The following BRD10 variants were observed in gnomAD, a reference collection of about 807,000 sequenced individuals.
The protein encoded by BRD10 is uncharacterized bromodomain-containing protein 10.
At chr9:5,954,148 A>G in the BRD10 span, 1 of 939,498 alleles carries the variant, frequency 1.1e-6, no homozygotes, top group South Asian at 1.5e-5. Flanking sequence ...GCACTTCATT[A>G]ACAAAAAACA....
At chr9:5,893,589 C>G in the BRD10 span, among the ~76,000 whole-genome samples, 2 of 152,130 alleles carry the variant, frequency 1.3e-5, no homozygotes, top group Non-Finnish European at 2.9e-5. Context: ...GTCCTGACAG[C>G]AAAAACATAC....
the BRD10 span, among the ~76,000 whole-genome samples, chr9:5,952,038 T>C: frequency 8.4e-6 from 1 of 118,824 alleles, no homozygotes; most frequent in Admixed American, 9.2e-5. Context: ...TTTATTTATT[T>C]AGAGACAGAG....
At chr9:5,945,004 A>C in the BRD10 span, 1 of 929,308 alleles carries the variant, frequency 1.1e-6, no homozygotes, top group African/African-American at 1.7e-5. Flanking sequence ...ACATAATATA[A>C]AACACCCAAA....
At chr9:5,883,312 C>T in the BRD10 span, among the ~76,000 whole-genome samples, 2 of 152,128 alleles carry the variant, frequency 1.3e-5, no homozygotes, top group South Asian at 4.1e-4. Flanking sequence ...TAGTTTGATG[C>T]AAGATTCTCC....
At chr9:5,967,709 A>C in the BRD10 span, among the ~76,000 whole-genome samples, 42 of 151,466 alleles carry the variant, frequency 2.8e-4, no homozygotes, top group African/African-American at 1.0e-3. Flanking sequence ...AAAAAAAAAA[A>C]AACACACATT....
At chr9:5,926,595 G>A in the BRD10 span, among the ~76,000 whole-genome samples, 2 of 151,850 alleles carry the variant, frequency 1.3e-5, no homozygotes, top group East Asian at 1.9e-4. Context: ...GCAGTGGCGC[G>A]ATCACAGCTC....
At chr9:5,906,338 AAAAAG>A in the BRD10 span, among the ~76,000 whole-genome samples, 11 of 150,030 alleles carry the variant, frequency 7.3e-5, no homozygotes, top group Admixed American at 1.3e-4. Flanking sequence ...TCAAAAAAAA[AAAAAG>A]AAAAGAAAAG....
the BRD10 span, among the ~76,000 whole-genome samples, chr9:5,934,919 A>G: frequency 6.6e-6 from 1 of 152,212 alleles, no homozygotes. Context: ...TCTAAGTACT[A>G]TTACATGAAA....
chr9:5,905,042 C>T, the BRD10 span, among the ~76,000 whole-genome samples: 1,539 of 151,904 alleles, frequency 0.01, 24 homozygotes, highest in African/African-American at 0.035. Flanking sequence ...CAAAGTGCTG[C>T]GATTACAGGT....
chr9:5,976,792 C>T, the BRD10 span, among the ~76,000 whole-genome samples: 1 of 150,150 alleles, frequency 6.7e-6, no homozygotes, highest in Non-Finnish European at 1.5e-5. Flanking sequence ...AAAAAAAAAT[C>T]TGGGAATCCT....
the BRD10 span, chr9:5,954,124 T>A: frequency 1.6e-6 from 2 of 1,276,472 alleles, no homozygotes. Flanking sequence ...AAAACCTTCA[T>A]AATGCTGTTT....
At chr9:5,975,250 AC>A in the BRD10 span, among the ~76,000 whole-genome samples, 1 of 152,090 alleles carries the variant, frequency 6.6e-6, no homozygotes, top group East Asian at 1.9e-4. Context: ...AACCTGACCA[AC>A]ATGGTGAAAC....
At chr9:5,997,410 C>T in the BRD10 span, among the ~76,000 whole-genome samples, 1 of 145,322 alleles carries the variant, frequency 6.9e-6, no homozygotes, top group Non-Finnish European at 1.5e-5. Flanking sequence ...AGCCACATAT[C>T]TAATGGAAAA....
At chr9:5,894,169 C>T in the BRD10 span, among the ~76,000 whole-genome samples, 24 of 152,232 alleles carry the variant, frequency 1.6e-4, no homozygotes, top group African/African-American at 5.5e-4. This position sits in a 1 kb window ranked among gnomAD's most constrained non-coding sequence, Gnocchi z 4.0. Flanking sequence ...TGATGCTAGT[C>T]AGCTCAGTAG....
At chr9:5,889,653 C>T in the BRD10 span, among the ~76,000 whole-genome samples, 3 of 152,028 alleles carry the variant, frequency 2.0e-5, no homozygotes, top group South Asian at 2.1e-4. Flanking sequence ...GGTGTGGTGG[C>T]GTGCACCTGT....
the BRD10 span, among the ~76,000 whole-genome samples, chr9:5,983,062 C>T: frequency 2.0e-5 from 3 of 152,264 alleles, no homozygotes; most frequent in Non-Finnish European, 2.9e-5. Flanking sequence ...AGCCAACTGT[C>T]CTGGCTGTGA....
the BRD10 span, among the ~76,000 whole-genome samples, chr9:5,936,856 A>C: frequency 4.6e-5 from 7 of 152,238 alleles, no homozygotes; most frequent in Admixed American, 4.6e-4. Flanking sequence ...AACAGAAGAC[A>C]ATACAAATTT....
At chr9:5,915,364 T>A in the BRD10 span, among the ~76,000 whole-genome samples, 1 of 152,206 alleles carries the variant, frequency 6.6e-6, no homozygotes, top group Admixed American at 6.5e-5. Flanking sequence ...CTAAGTACTT[T>A]AGGTAAATTA....
the BRD10 span, among the ~76,000 whole-genome samples, chr9:5,880,858 C>G: frequency 1.3e-5 from 2 of 152,222 alleles, no homozygotes; most frequent in South Asian, 4.2e-4. Context: ...GCGTGCGCCA[C>G]CACGCCCAGC....
Sources: allele counts gnomAD v4.1 joint callset (sites outside exome capture counted in the v4.1 genomes callset), GRCh38; gene constraint gnomAD v4.1.1; non-coding constraint Gnocchi (gnomAD v3.1); transcripts MANE v1.5; gene names NCBI Gene and HGNC (gene_info 2026-07-23, HGNC 2026-07-21).